Variants in TUSC3 observed in about 807,000 individuals in gnomAD.
TUSC3 encodes the protein tumor suppressor candidate 3.
TUSC3 carries 45 observed loss-of-function variants against 44.8 expected under a neutral mutation model. The ratio of observed to expected loss-of-function variants is 1.00; its 90% CI spans 0.79 to 1.29. The LOEUF is 1.29. TUSC3 is among the 50% of genes most tolerant of loss of function. TUSC3 has a pLI of 0.00. For missense variants in TUSC3, 519 were observed against 437.9 expected, an observed-to-expected ratio of 1.19 and a Z score of -1.65; for synonymous variants, 212 against 152.9, an observed-to-expected ratio of 1.39 and a Z score of -2.85.
At chr8:15,504,538 T>A (rs994888096) in intron 2 of TUSC3, among the ~76,000 whole-genome samples, 1 of 137,390 alleles carries the variant, frequency 7.3e-6, no homozygotes, top group Non-Finnish European at 1.5e-5. Context: ...ACAGAATTCC[T>A]ATTTTGTTCT....
At chr8:15,463,843 C>A (rs575206301) in intron 1 of TUSC3, among the ~76,000 whole-genome samples, 2 of 152,294 alleles carry the variant, frequency 1.3e-5, no homozygotes, top group South Asian at 4.1e-4. Context: ...CCAGAATATG[C>A]TGTAACATCA....
intron 6 of TUSC3, among the ~76,000 whole-genome samples, chr8:15,674,097 A>G (rs910875568): frequency 9.2e-5 from 14 of 151,864 alleles, no homozygotes; most frequent in Non-Finnish European, 1.5e-4. Flanking sequence ...TGCATTCACT[A>G]TTTTTTCAAG....
intron 1 of TUSC3, among the ~76,000 whole-genome samples, chr8:15,614,683 A>G (rs1450406332): frequency 1.3e-5 from 2 of 152,136 alleles, no homozygotes; most frequent in Admixed American, 6.6e-5. Flanking sequence ...TTGTCTATCC[A>G]TTCAACAGTT....
At chr8:15,758,347 A>G in intron 10 of TUSC3, 3 of 534,590 alleles carry the variant, frequency 5.6e-6, no homozygotes, top group Non-Finnish European at 7.2e-6. Context: ...TAGGTACTTT[A>G]TTTATATATA....
At chr8:15,659,140 G>A (rs1026689102) in intron 3 of TUSC3, among the ~76,000 whole-genome samples, 1 of 152,052 alleles carries the variant, frequency 6.6e-6, no homozygotes, top group Admixed American at 6.6e-5. Flanking sequence ...TGCTTAAGAA[G>A]TAAAATAATT....
chr8:15,747,203 A>ATATT (rs981070055), intron 8 of TUSC3, among the ~76,000 whole-genome samples: 1 of 152,094 alleles, frequency 6.6e-6, no homozygotes, highest in Non-Finnish European at 1.5e-5. Flanking sequence ...TTTGGTTTAT[A>ATATT]TATTGGAAAA....
intron 1 of TUSC3, among the ~76,000 whole-genome samples, chr8:15,548,501 T>C (rs1166566583): frequency 2.0e-5 from 3 of 151,840 alleles, no homozygotes; most frequent in African/African-American, 7.2e-5. Context: ...AATGTGATGC[T>C]TTGGTTGCTG....
intron 2 of TUSC3, among the ~76,000 whole-genome samples, chr8:15,627,270 C>T (rs1189030921): frequency 2.6e-5 from 4 of 152,160 alleles, no homozygotes; most frequent in African/African-American, 9.7e-5. Context: ...TATAGGACAG[C>T]CTGCCTGGCA....
intron 1 of TUSC3, among the ~76,000 whole-genome samples, chr8:15,419,280 TAGAG>T (rs893334607): frequency 2.6e-5 from 4 of 152,180 alleles, no homozygotes; most frequent in South Asian, 2.1e-4. Context: ...GTGTTTTAAT[TAGAG>T]AGAAAAACAG....
At chr8:15,719,697 T>C (rs1232021665) in intron 6 of TUSC3, among the ~76,000 whole-genome samples, 2 of 152,108 alleles carry the variant, frequency 1.3e-5, no homozygotes, top group Non-Finnish European at 2.9e-5. Context: ...AAGGCTTATG[T>C]CACACTTTTC....
At chr8:15,575,798 CT>C in intron 1 of TUSC3, among the ~76,000 whole-genome samples, 1 of 152,084 alleles carries the variant, frequency 6.6e-6, no homozygotes, top group South Asian at 2.1e-4. Flanking sequence ...CTGAGATGTA[CT>C]TTTGCAAATA....
At chr8:15,821,239 T>C in the TUSC3 span, among the ~76,000 whole-genome samples, 1 of 152,190 alleles carries the variant, frequency 6.6e-6, no homozygotes, top group African/African-American at 2.4e-5. Context: ...TGATTGCAGA[T>C]GAGAAATTCT....
intron 1 of TUSC3, among the ~76,000 whole-genome samples, chr8:15,425,803 C>G (rs1799796499): frequency 1.3e-5 from 2 of 152,204 alleles, no homozygotes; most frequent in African/African-American, 4.8e-5. Context: ...GGCCTGATGA[C>G]TTAGACCCTA....
chr8:15,697,037 A>G (rs1357307753), intron 6 of TUSC3, among the ~76,000 whole-genome samples: 1 of 152,114 alleles, frequency 6.6e-6, no homozygotes, highest in Non-Finnish European at 1.5e-5. Flanking sequence ...GAACTTAACC[A>G]TCTCTCTAGG....
intron 2 of TUSC3, among the ~76,000 whole-genome samples, chr8:15,534,627 A>C (rs1371124687): frequency 6.9e-6 from 1 of 144,858 alleles, no homozygotes; most frequent in Non-Finnish European, 1.5e-5. Context: ...TAGGTGACAG[A>C]GCGAGACTCG....
At chr8:15,692,371 C>CCCCCTTT (rs1563175839) in intron 6 of TUSC3, among the ~76,000 whole-genome samples, 2 of 18,822 alleles carry the variant, frequency 1.1e-4, no homozygotes, top group East Asian at 2.9e-3. Flanking sequence ...CCCCCCCCCC[C>CCCCCTTT]TTTGTTTTTT....
the TUSC3 span, among the ~76,000 whole-genome samples, chr8:15,788,287 C>A: frequency 3.9e-5 from 6 of 152,168 alleles, no homozygotes; most frequent in Admixed American, 3.9e-4. Flanking sequence ...TAAATTTTAT[C>A]TGTAATCCCA....
intron 4 of TUSC3, 21 bp downstream of exon 4, chr8:15,659,668 G>C (rs773546799): frequency 6.2e-7 from 1 of 1,610,694 alleles, no homozygotes; most frequent in African/African-American, 1.3e-5. Flanking sequence ...ATTCCTCACA[G>C]TTTTAATAAT....
In TUSC3 at chr8:15,540,421, C is replaced by G; in HGVS notation, c.-10C>G. Reference sequence around the variant, plus strand: ...GCTACCGCGCGTGGAGGAGACACTGCCCTGCCGCGATGGGGGCCCGGGGCG... The same window carrying G: ...GCTACCGCGCGTGGAGGAGACACTGGCCTGCCGCGATGGGGGCCCGGGGCG... On this transcript the variant is annotated 5_prime_UTR_variant, in exon 1 of 11. Transcript: ENST00000503731. The G allele has an allele frequency of 6.3e-7, 1 of 1,576,958 alleles. No homozygotes were observed. The highest frequency in any genetic ancestry group is 8.6e-7 in the Non-Finnish European group (1 of 1,163,038).
Sources: allele counts gnomAD v4.1 joint callset (sites outside exome capture counted in the v4.1 genomes callset), GRCh38; gene constraint gnomAD v4.1.1; transcripts MANE v1.5; gene names NCBI Gene and HGNC (gene_info 2026-07-23, HGNC 2026-07-21).